The following GRIN2A variants were observed in gnomAD, a reference collection of about 807,000 sequenced individuals.
The protein encoded by GRIN2A is glutamate ionotropic receptor NMDA type subunit 2A.
Under a neutral mutation model 113.4 loss-of-function variants are expected in GRIN2A, and 22 were observed. That is an observed-to-expected ratio of 0.19 (90% CI 0.14 to 0.28). The LOEUF (loss-of-function observed/expected upper bound fraction) is 0.28. GRIN2A is among the 10% of genes least tolerant of loss of function. The pLI is 1.00. For synonymous variants in GRIN2A, 827 were observed against 738.4 expected (o/e 1.12, Z -1.94); for missense variants, 1,502 against 1,887.0 (o/e 0.80, Z 3.78).
At chr16:10,016,553 G>A (rs140122215) in intron 2 of GRIN2A, among the ~76,000 whole-genome samples, 1 of 152,278 alleles carries the variant, frequency 6.6e-6, no homozygotes, top group African/African-American at 2.4e-5. Flanking sequence ...TGAGGGCAGG[G>A]AGCCCTGTGC....
At chr16:9,940,061 A>AGT (rs56116543) in intron 2 of GRIN2A, among the ~76,000 whole-genome samples, 8,290 of 142,886 alleles carry the variant, frequency 0.058, 252 homozygotes, top group East Asian at 0.12. Context: ...AGAGAGAGAG[A>AGT]GTGTGTGTGT....
intron 5 of GRIN2A, among the ~76,000 whole-genome samples, chr16:9,845,757 C>A (rs948977017): frequency 5.9e-5 from 9 of 152,186 alleles, no homozygotes; most frequent in Admixed American, 1.3e-4. Flanking sequence ...CACCTTAAAT[C>A]TTATCTGTGT....
At chr16:10,043,249 T>A (rs1336674652) in intron 2 of GRIN2A, among the ~76,000 whole-genome samples, 1 of 152,184 alleles carries the variant, frequency 6.6e-6, no homozygotes, top group East Asian at 1.9e-4. Flanking sequence ...TAAGTAACTT[T>A]TCCTAGGTCA....
At chr16:9,858,481 G>A (rs1254262426) in intron 4 of GRIN2A, among the ~76,000 whole-genome samples, 1 of 152,050 alleles carries the variant, frequency 6.6e-6, no homozygotes, top group African/African-American at 2.4e-5. Flanking sequence ...AAAATAAACT[G>A]AATTTTGGTG....
intron 11 of GRIN2A, among the ~76,000 whole-genome samples, chr16:9,789,831 C>T (rs754467432): frequency 2.6e-5 from 4 of 152,102 alleles, no homozygotes; most frequent in Non-Finnish European, 5.9e-5. Context: ...GGTGGAGCAA[C>T]GCAGCTTTAT....
chr16:9,792,691 G>C (rs1229265789), intron 11 of GRIN2A, among the ~76,000 whole-genome samples: 1 of 152,026 alleles, frequency 6.6e-6, no homozygotes, highest in African/African-American at 2.4e-5. Context: ...AATGACCTCA[G>C]ACTAGATGTC....
chr16:10,048,055 A>G (rs190336973), intron 2 of GRIN2A, among the ~76,000 whole-genome samples: 1 of 152,256 alleles, frequency 6.6e-6, no homozygotes, highest in East Asian at 1.9e-4. Context: ...CTAAAACACT[A>G]TCCCTTTACT....
Position 10,066,113 on chromosome 16 carries a change from A to T in GRIN2A, c.414+113885T>A, listed in dbSNP as rs559868129. On this transcript the variant is annotated intron_variant, in intron 2 of 12. Transcript: ENST00000330684. ...GGAACTGACTAGAAATATTCTTCAG[A>T]CTTTAGAAAGCAGACGATGCTCTTC... Among the ~76,000 whole-genome samples, 480 of 152,310 alleles carry T rather than the reference A, an allele frequency of 3.2e-3. 16 individuals are homozygous for T. Among genetic ancestry groups the T allele is most frequent in the Non-Finnish European group, 3.8e-3 (256 of 68,030 alleles).
intron 2 of GRIN2A, among the ~76,000 whole-genome samples, chr16:9,969,713 T>C (rs547690083): frequency 1.3e-5 from 2 of 152,328 alleles, no homozygotes; most frequent in African/African-American, 4.8e-5. Flanking sequence ...TGCCTGGAGA[T>C]GCATTTAGCT....
At chr16:9,853,166 G>C (rs1229240427) in intron 4 of GRIN2A, among the ~76,000 whole-genome samples, 1 of 152,202 alleles carries the variant, frequency 6.6e-6, no homozygotes, top group East Asian at 1.9e-4. Flanking sequence ...TGGAGGAGCA[G>C]AGAAGGAAAG....
At chr16:10,139,117 G>A (rs73514639) in intron 2 of GRIN2A, among the ~76,000 whole-genome samples, 3,599 of 152,296 alleles carry the variant, frequency 0.024, 133 homozygotes, top group African/African-American at 0.083. Context: ...TAAAAATTGA[G>A]AGCATGAAAC....
intron 2 of GRIN2A, among the ~76,000 whole-genome samples, chr16:10,065,909 G>A (rs2047640201): frequency 6.6e-6 from 1 of 152,162 alleles, no homozygotes; most frequent in East Asian, 1.9e-4. Context: ...TAGATACTGG[G>A]TGGAAACATG....
At chr16:9,956,147 AG>A (rs1257469234) in intron 2 of GRIN2A, among the ~76,000 whole-genome samples, 1 of 152,222 alleles carries the variant, frequency 6.6e-6, no homozygotes, top group African/African-American at 2.4e-5. Flanking sequence ...TGCAACAAGT[AG>A]ACTTTCTTCA....
intron 3 of GRIN2A, among the ~76,000 whole-genome samples, chr16:9,894,672 G>A (rs1246885017): frequency 6.6e-6 from 1 of 152,158 alleles, no homozygotes; most frequent in Non-Finnish European, 1.5e-5. Flanking sequence ...CCTAAGTTAA[G>A]CTGTTTTTAT....
intron 10 of GRIN2A, among the ~76,000 whole-genome samples, chr16:9,811,331 T>C (rs1005176196): frequency 1.3e-5 from 2 of 152,186 alleles, no homozygotes; most frequent in Admixed American, 1.3e-4. Flanking sequence ...ATGTTAACCT[T>C]CAGACGAACT....
intron 4 of GRIN2A, among the ~76,000 whole-genome samples, chr16:9,854,207 G>C (rs2042930855): frequency 6.6e-6 from 1 of 152,082 alleles, no homozygotes; most frequent in Admixed American, 6.5e-5. Context: ...ATGTGCCTCA[G>C]CTTTGGAATC....
intron 11 of GRIN2A, among the ~76,000 whole-genome samples, chr16:9,790,759 G>A (rs1161529141): frequency 6.6e-6 from 1 of 152,164 alleles, no homozygotes; most frequent in Non-Finnish European, 1.5e-5. Flanking sequence ...ATTAAAGAAG[G>A]TATTAAATCG....
intron 10 of GRIN2A, among the ~76,000 whole-genome samples, chr16:9,811,707 C>T (rs1391551576): frequency 6.6e-6 from 1 of 152,136 alleles, no homozygotes; most frequent in Non-Finnish European, 1.5e-5. Context: ...TGCAGTTAGC[C>T]AAGATCTCGT....
chr16:10,066,266 G>A (rs2047646789), intron 2 of GRIN2A, among the ~76,000 whole-genome samples: 1 of 152,110 alleles, frequency 6.6e-6, no homozygotes, highest in South Asian at 2.1e-4. Flanking sequence ...ATCTGGGGAG[G>A]GTTGCCTGAA....
Sources: allele counts gnomAD v4.1 joint callset (sites outside exome capture counted in the v4.1 genomes callset), GRCh38; gene constraint gnomAD v4.1.1; transcripts MANE v1.5; gene names NCBI Gene and HGNC (gene_info 2026-07-23, HGNC 2026-07-21).